Variants in NUTM2F observed in about 807,000 individuals in gnomAD.
NUTM2F encodes the protein family with sequence similarity 22, member F.
A neutral mutation model predicts 43.3 loss-of-function variants in NUTM2F; 22 were observed. The ratio of observed to expected loss-of-function variants is 0.51; its 90% CI spans 0.36 to 0.73. The LOEUF is 0.73. Ranked by LOEUF, NUTM2F falls within the 30% of genes least tolerant of loss-of-function variation. NUTM2F has a pLI of 0.00. For synonymous variants in NUTM2F, 202 were observed against 389.0 expected, an observed-to-expected ratio of 0.52 and a Z score of 5.66; for missense variants, 488 against 927.4, an observed-to-expected ratio of 0.53 and a Z score of 6.15.
chr9:94,322,386 C>G (rs1831388745), intron 2 of NUTM2F, 57 bp from the exon 3 acceptor site: 1 of 1,608,594 alleles, frequency 6.2e-7, no homozygotes, highest in Non-Finnish European at 8.5e-7. Context: ...CCCGGGCCCA[C>G]CTGGTCCCAA....
intron 2 of NUTM2F, among the ~76,000 whole-genome samples, chr9:94,323,544 C>G (rs1290792050): frequency 1.3e-5 from 2 of 152,148 alleles, no homozygotes; most frequent in Non-Finnish European, 2.9e-5. Flanking sequence ...TCAGAGCTAT[C>G]ACTGGAGCCC....
chr9:94,322,332 G>A lies in NUTM2F; in HGVS notation c.714-3C>T. ...GGGCCAGGGATCGGAGAACTGGGCT[G>A]TAAACCAGTGCAGTCAGTCCCAGTC... On this transcript the variant is annotated splice_polypyrimidine_tract_variant and splice_region_variant and intron_variant, in intron 2 of 6. Transcript: ENST00000253262. The A allele has an allele frequency of 6.2e-7, 1 of 1,611,882 alleles. No homozygotes were observed. Among genetic ancestry groups the A allele is most frequent in the Non-Finnish European group, 8.5e-7 (1 of 1,179,794 alleles).
intron 3 of NUTM2F, 137 bp from the exon 4 acceptor site, chr9:94,321,369 A>C (rs1831364771): frequency 7.1e-7 from 1 of 1,414,444 alleles, no homozygotes; most frequent in African/African-American, 1.4e-5. Flanking sequence ...CCCATCCCCC[A>C]GTCCCAGGAG....
At chr9:94,324,473 T>C (rs902644413) in intron 2 of NUTM2F, among the ~76,000 whole-genome samples, 48 of 145,148 alleles carry the variant, frequency 3.3e-4, no homozygotes, top group African/African-American at 1.1e-3. Flanking sequence ...GCATCCTGGC[T>C]AACATGGTGA....
At chr9:94,322,606 C>T (rs1831393593) in intron 2 of NUTM2F, among the ~76,000 whole-genome samples, 1 of 152,232 alleles carries the variant, frequency 6.6e-6, no homozygotes, top group South Asian at 2.1e-4. Flanking sequence ...GTGTCCCCAA[C>T]ATTCCTGTGC....
rs1279994060 is a variant in NUTM2F, at chr9:94,320,366, C to G, written c.1210G>C (p.Glu404Gln). The G allele has an allele frequency of 6.2e-7, 1 of 1,613,378 alleles. No homozygotes were observed. Among genetic ancestry groups the G allele is most frequent in the African/African-American group, 1.3e-5 (1 of 74,892 alleles). ...VVQEYVDIME[E>Q]LLGSHPGDTG... ...TCCCCAGGGTGAGACCCCAGCAGCT[C>G]CTCCATGATGTCCACATACTCCTGC... is the stretch of plus-strand genomic sequence containing the variant. Residue 404 changes from glutamate (E) to glutamine (Q), a missense_variant, in exon 5 of 7, where the codon GAG becomes CAG. Transcript: ENST00000253262. The surrounding 1 kb of genome is among the most constrained non-coding windows in gnomAD (Gnocchi z 4.5).
intron 2 of NUTM2F, among the ~76,000 whole-genome samples, chr9:94,324,462 A>G (rs1831423337): frequency 6.6e-6 from 1 of 150,734 alleles, no homozygotes; most frequent in Non-Finnish European, 1.5e-5. Context: ...GGAGATTGAG[A>G]GCATCCTGGC....
Position 94,320,699 on chromosome 9 carries a change from T to G in NUTM2F, c.983-106A>C, listed in dbSNP as rs1396040479. ...GGATGTGAAGTGGGTCCCAGCTGGG[T>G]CAGGACCACCTGAACCACAGCGCCC... On this transcript the variant is annotated intron_variant, in intron 4 of 6. Coordinates refer to ENST00000253262, the MANE Select transcript of NUTM2F (RefSeq NM_017561.2). The surrounding 1 kb of genome is among the most constrained non-coding windows in gnomAD (Gnocchi z 4.5). The G allele has an allele frequency of 3.2e-5, 44 of 1,371,496 alleles. No homozygotes were observed. Among genetic ancestry groups the G allele is most frequent in the Non-Finnish European group, 4.2e-5 (43 of 1,024,016 alleles). 85.0% of individuals were successfully genotyped at this position (1,371,496 alleles called of 1,614,324 possible).
chr9:94,321,335 G>A lies in NUTM2F; in HGVS notation c.843-103C>T, dbSNP rs191483725. On this transcript the variant is annotated intron_variant, in intron 3 of 6. Coordinates refer to ENST00000253262, the MANE Select transcript of NUTM2F (RefSeq NM_017561.2). ...AGGGATGGGAGGGAGTGCCTCCGGCGGGCTGTCCAGGCCCTCACTGGGACC... is the reference window on the plus strand; with the variant it reads ...AGGGATGGGAGGGAGTGCCTCCGGCAGGCTGTCCAGGCCCTCACTGGGACC... The A allele has an allele frequency of 1.2e-4, 176 of 1,519,022 alleles. 1 individual carries two copies. The East Asian group carries it at 2.8e-3, about 24-fold the overall frequency. The allele number at this position is 1,519,022 out of a possible 1,614,324, so 94.1% of individuals were successfully genotyped here.
rs1460316836 is a variant in NUTM2F, at chr9:94,321,777, C to T, written c.842+424G>A. On this transcript the variant is annotated intron_variant, in intron 3 of 6. Coordinates refer to ENST00000253262, the MANE Select transcript of NUTM2F (RefSeq NM_017561.2). ...GAGGGGTCTCATGGTGTCCCAGGTA[C>T]AGGTCTCCCCTGACCCAACTCCCTG... 5.4e-5 allele frequency among the ~76,000 whole-genome samples: 8 copies of T among 149,254 alleles called. No homozygotes were observed. In the East Asian group the frequency reaches 8.2e-4, roughly 15 times the overall value.
chr9:94,324,147 G>C (rs2118734837), intron 2 of NUTM2F, among the ~76,000 whole-genome samples: 1 of 152,032 alleles, frequency 6.6e-6, no homozygotes, highest in East Asian at 1.9e-4. Context: ...GCGGGCGCCT[G>C]TAAGCCCAGG....
At position 94,321,303 on chromosome 9, in the gene NUTM2F, T is replaced by C. The variant is rs531891891; in HGVS notation, c.843-71A>G. 5,264 of 1,537,258 alleles carry C rather than the reference T, an allele frequency of 3.4e-3. 14 individuals are homozygous for C. Among genetic ancestry groups the C allele is most frequent in the African/African-American group, 9.1e-3 (669 of 73,238 alleles). On this transcript the variant is annotated intron_variant, in intron 3 of 6. Transcript: ENST00000253262. ...CCTCCCCCCAGGACCAGGCAGCAGC[T>C]GAGGGCAGGGATGGGAGGGAGTGCC...
In NUTM2F at chr9:94,320,225, C is replaced by T; in HGVS notation, c.1351G>A (p.Glu451Lys). Residue 451 changes from glutamate to lysine, a missense_variant, in exon 5 of 7, where the codon GAA becomes AAA. By Grantham distance (56) the Glu-to-Lys change is moderately conservative (BLOSUM62 1). Transcript: ENST00000253262. The surrounding 1 kb of genome is among the most constrained non-coding windows in gnomAD (Gnocchi z 4.5). ...AAGCCCACCTTGGTGACAAAGTCTT[C>T]CTGGGAACACAGCTTGTCAATGTAG... ...LSYIDKLCSQ[E>K]DFVTKVEAVI... 1.2e-6 allele frequency: 2 copies of T among 1,613,800 alleles called. No individual in the cohort carries two copies. Among genetic ancestry groups the T allele is most frequent in the Non-Finnish European group, 1.7e-6 (2 of 1,179,842 alleles).
intron 2 of NUTM2F, among the ~76,000 whole-genome samples, chr9:94,323,849 CG>C (rs1416224928): frequency 6.6e-6 from 1 of 152,118 alleles, no homozygotes; most frequent in Non-Finnish European, 1.5e-5. Flanking sequence ...AACTGGACCG[CG>C]GCAGAACAGT....
intron 3 of NUTM2F, 70 bp downstream of exon 3, chr9:94,322,131 C>A: frequency 1.3e-6 from 2 of 1,593,386 alleles, no homozygotes; most frequent in South Asian, 2.3e-5. Context: ...GAAGCCACCA[C>A]GGCCACCGGG....
chr9:94,320,431 G>T lies in NUTM2F; in HGVS notation c.1145C>A (p.Ala382Glu), dbSNP rs368719501. 10 of 1,603,596 alleles carry T rather than the reference G, an allele frequency of 6.2e-6. No homozygotes were observed. Among genetic ancestry groups the T allele is most frequent in the Non-Finnish European group, 8.5e-6 (10 of 1,174,602 alleles). ...HLPPPRPQRPAETKVPEEIPP... is the reference protein window; with the variant it reads ...HLPPPRPQRPEETKVPEEIPP... Reference sequence around the variant, plus strand: ...GATCTCCTCAGGGACCTTGGTCTCCGCTGGCCTCTGGGGCCTGGGTGGTGG... The same window carrying T: ...GATCTCCTCAGGGACCTTGGTCTCCTCTGGCCTCTGGGGCCTGGGTGGTGG... The change falls in exon 5 of 7, where the codon GCG becomes GAG. Residue 382 changes from alanine (A) to glutamate (E), a missense_variant. Ala to Glu is a moderately radical substitution (Grantham distance 107). Coordinates refer to ENST00000253262, the MANE Select transcript of NUTM2F (RefSeq NM_017561.2). This position sits in a 1 kb window ranked among gnomAD's most constrained non-coding sequence, Gnocchi z 4.5.
At chr9:94,322,392 C>T in intron 2 of NUTM2F, 63 bp from the exon 3 acceptor site, 1 of 1,605,158 alleles carries the variant, frequency 6.2e-7, no homozygotes, top group South Asian at 1.1e-5. Context: ...CCCACCTGGT[C>T]CCAACACCTG....
At chr9:94,323,695 A>G (rs1246642060) in intron 2 of NUTM2F, among the ~76,000 whole-genome samples, 1 of 152,184 alleles carries the variant, frequency 6.6e-6, no homozygotes, top group Non-Finnish European at 1.5e-5. Context: ...AGCTCAGGTC[A>G]TCTCTTTGCC....
chr9:94,326,916 C>T (rs1163987272), intron 1 of NUTM2F, among the ~76,000 whole-genome samples: 2 of 150,598 alleles, frequency 1.3e-5, no homozygotes, highest in Non-Finnish European at 3.0e-5. Flanking sequence ...ACCCATTCCT[C>T]AGTGCTCAGT....
Sources: gnomAD v4.1 joint callset for allele counts (sites outside exome capture counted in the v4.1 genomes callset) on GRCh38, gnomAD v4.1.1 for gene constraint, Gnocchi (gnomAD v3.1) non-coding constraint, MANE v1.5 for transcripts, NCBI Gene and HGNC (gene_info 2026-07-23, HGNC 2026-07-21) for gene names.